Variants in NOTCH1 observed in about 807,000 individuals in gnomAD.
NOTCH1 encodes the protein neurogenic locus notch homolog protein 1.
Under a neutral mutation model 254.8 loss-of-function variants are expected in NOTCH1, and 37 were observed. The ratio of observed to expected loss-of-function variants is 0.15; its 90% confidence interval spans 0.11 to 0.19. The LOEUF is 0.19. Ranked by LOEUF, NOTCH1 falls within the 10% of genes least tolerant of loss-of-function variation. NOTCH1 has a pLI of 1.00. For missense variants in NOTCH1, 2,972 were observed against 3,708.6 expected, an observed-to-expected ratio of 0.80 and a Z score of 5.16; for synonymous variants, 1,731 against 1,618.1, an observed-to-expected ratio of 1.07 and a Z score of -1.68.
At chr9:136,533,015 G>A (rs1196832586) in intron 2 of NOTCH1, among the ~76,000 whole-genome samples, 37 of 152,230 alleles carry the variant, frequency 2.4e-4, no homozygotes, top group Admixed American at 2.4e-3. Context: ...GAGCTGCAGA[G>A]CTCTGTGCTG....
rs779039862 is a variant in NOTCH1, at chr9:136,496,307, C to G, written c.7432G>C (p.Ala2478Pro). ...GAGGGGGGCGTCAGGAACTGGGCTG[C>G]GGTCACGGGTGGGACCAGCGAGGAT... ...LPSSLVPPVTAAQFLTPPSQH... is the reference protein window; with the variant it reads ...LPSSLVPPVTPAQFLTPPSQH... Residue 2478 changes from alanine to proline, a missense_variant, in exon 34 of 34, where the codon GCA becomes CCA. Transcript: ENST00000651671. 6.3e-7 allele frequency: 1 copy of G among 1,594,958 alleles called. No homozygotes were observed. Among genetic ancestry groups the G allele is most frequent in the Non-Finnish European group, 8.5e-7 (1 of 1,170,406 alleles).
Position 136,545,899 on chromosome 9 carries a change from C to T in NOTCH1, c.-113G>A, listed in dbSNP as rs1843809139. The T allele has an allele frequency of 2.6e-6, 1 of 388,414 alleles. No homozygotes were observed. The highest frequency in any genetic ancestry group is 2.2e-5 in the African/African-American group (1 of 46,028). 24.1% of individuals were successfully genotyped at this position (388,414 alleles called of 1,614,324 possible). A position where few individuals can be genotyped will look rare whatever the true frequency, so the allele number is the denominator to read the frequency against. The stretch of plus-strand genomic sequence containing the variant: ...CCGGGGCGGCGGCGGACGGTCCCGC[C>T]CTCTCTTCCCCGGCTGGCTGGCGGC... On this transcript the variant is annotated 5_prime_UTR_variant, in exon 1 of 34. Transcript: ENST00000651671. This position sits in a 1 kb window ranked among gnomAD's most constrained non-coding sequence, Gnocchi z 6.8.
Position 136,494,556 on chromosome 9 carries a change from C to T in NOTCH1, c.*1515G>A, listed in dbSNP as rs1300499929. On this transcript the variant is annotated 3_prime_UTR_variant, in exon 34 of 34. Transcript: ENST00000651671. ...TTAAAGTCTTTTTCTGTAAACTACA[C>T]TCTATTTTATAAAACACAGTAAAAA... is the stretch of plus-strand genomic sequence containing the variant. The T allele has an allele frequency of 1.0e-5, 4 of 398,934 alleles. No homozygotes were observed. Among genetic ancestry groups the T allele is most frequent in the African/African-American group, 2.1e-5 (1 of 48,662 alleles). The allele number at this position is 398,934 out of a possible 1,614,324, so 24.7% of individuals were successfully genotyped here.
At position 136,496,447 on chromosome 9, in the gene NOTCH1, C is replaced by T. The variant is rs753752321; in HGVS notation, c.7292G>A (p.Arg2431Gln). The T allele has an allele frequency of 1.8e-5, 29 of 1,600,088 alleles. No individual in the cohort carries two copies. Among genetic ancestry groups the T allele is most frequent in the African/African-American group, 1.7e-4 (13 of 74,936 alleles). Residue 2431 changes from arginine to glutamine, a missense_variant, in exon 34 of 34, where the codon CGG becomes CAG. Physicochemically the swap from Arg to Gln is conservative, Grantham distance 43. Coordinates refer to ENST00000651671, the MANE Select transcript of NOTCH1 (RefSeq NM_017617.5). ...VSSAASGHLG[R>Q]SFLSGEPSQA... ...GCTCGGCTCTCCACTCAGGAAGCTCCGGCCCAGGTGGCCGCTGGCTGCTGA... is the reference window on the plus strand; with the variant it reads ...GCTCGGCTCTCCACTCAGGAAGCTCTGGCCCAGGTGGCCGCTGGCTGCTGA...
chr9:136,510,888 T>A, intron 16 of NOTCH1, 83 bp from the exon 17 acceptor site: 1 of 1,573,598 alleles, frequency 6.4e-7, no homozygotes, highest in African/African-American at 1.3e-5. Context: ...CCACCTACAG[T>A]GCCTCTCCCG....
chr9:136,542,830 A>G (rs1340512799), intron 2 of NOTCH1: 2 of 151,840 alleles, frequency 1.3e-5, no homozygotes, highest in African/African-American at 4.8e-5. Flanking sequence ...GGCGGAGGGA[A>G]CTCTTTTTCC....
chr9:136,513,396 G>A lies in NOTCH1; in HGVS notation c.2349C>T (p.Phe783=), dbSNP rs200092299. Residue 783 remains phenylalanine (F), a synonymous_variant, in exon 14 of 34, where the codon TTC becomes TTT. Coordinates refer to ENST00000651671, the MANE Select transcript of NOTCH1 (RefSeq NM_017617.5). The surrounding 1 kb of genome is among the most constrained non-coding windows in gnomAD (Gnocchi z 4.7). Reference sequence around the variant, plus strand: ...AGAAACGCGCAGCCCACTCACCGCTGAAGCCCTCCCGGCAGGTGCACACGT... The same window carrying A: ...AGAAACGCGCAGCCCACTCACCGCTAAAGCCCTCCCGGCAGGTGCACACGT... ...SGYVCTCREG[F]SGPNCQTNIN... The A allele has an allele frequency of 3.9e-5, 63 of 1,612,888 alleles. No individual in the cohort carries two copies. In the African/African-American group the frequency reaches 7.5e-4, roughly 19 times the overall value.
chr9:136,510,463 G>T, intron 17 of NOTCH1, 190 bp downstream of exon 17: 3 of 698,264 alleles, frequency 4.3e-6, no homozygotes, highest in South Asian at 3.5e-5. Flanking sequence ...GGAGGAGCAA[G>T]CCGGCTCTGG....
intron 2 of NOTCH1, among the ~76,000 whole-genome samples, chr9:136,526,872 G>C (rs904570878): frequency 6.6e-6 from 1 of 152,202 alleles, no homozygotes; most frequent in African/African-American, 2.4e-5. Context: ...GCTCCCAGCG[G>C]GTGGGGCAGG....
chr9:136,544,197 AG>A (rs923863834), intron 1 of NOTCH1, 95 bp from the exon 2 acceptor site: 1 of 1,183,702 alleles, frequency 8.4e-7, no homozygotes, highest in African/African-American at 1.5e-5. Context: ...CACCCAGCCA[AG>A]GGGCATCGTC....
At chr9:136,532,383 A>G (rs1417641087) in intron 2 of NOTCH1, among the ~76,000 whole-genome samples, 2 of 152,158 alleles carry the variant, frequency 1.3e-5, no homozygotes, top group Non-Finnish European at 2.9e-5. Flanking sequence ...CCAATCCCGC[A>G]GGACCTCGCC....
At chr9:136,528,550 T>C (rs1843510936) in intron 2 of NOTCH1, among the ~76,000 whole-genome samples, 1 of 111,604 alleles carries the variant, frequency 9.0e-6, no homozygotes, top group Non-Finnish European at 2.0e-5. Flanking sequence ...GCAGGGACAG[T>C]TGGTGGGACG....
rs2133346578 is a variant in NOTCH1 at position 136,508,113 on chromosome 9, G to A, written c.3352C>T (p.His1118Tyr). The change falls in exon 21 of 34, where the codon CAT becomes TAT. Residue 1118 changes from histidine (H) to tyrosine (Y), a missense_variant. This residue lies in a region of NOTCH1 where 1,343 missense variants were observed against 1,557.0 expected (regional missense o/e 0.86). Transcript: ENST00000651671. ...QGVDVARLCQ[H>Y]GGLCVDAGNT... ...CCCGCGTCCACACAGAGCCCTCCAT[G>A]CTGGCACAGGCGGGCAACGTCAACA... The A allele has an allele frequency of 1.9e-6, 3 of 1,608,582 alleles. No homozygotes were observed. Among genetic ancestry groups the A allele is most frequent in the Non-Finnish European group, 1.7e-6 (2 of 1,179,840 alleles).
rs11403622 is a variant in NOTCH1, at chr9:136,501,450, G to GA, written c.5638+297dup. ...CTCCATCTCAAAAACAAAAAAAAAA[G>GA]AAAAAAAAAAAGAAAAAGAAAATCA... On this transcript the variant is annotated intron_variant, in intron 30 of 33. Coordinates refer to ENST00000651671, the MANE Select transcript of NOTCH1 (RefSeq NM_017617.5). 0.35 allele frequency among the ~76,000 whole-genome samples: 51,483 copies of GA among 146,348 alleles called. 9,580 individuals carry two copies. Among genetic ancestry groups the GA allele is most frequent in the Non-Finnish European group, 0.4 (26,912 of 66,756 alleles).
At chr9:136,507,114 G>A in intron 22 of NOTCH1, 141 bp from the exon 23 acceptor site, 1 of 1,455,730 alleles carries the variant, frequency 6.9e-7, no homozygotes, top group Admixed American at 2.0e-5. Context: ...GTGCCGTGGA[G>A]ACGCCCTTCC....
rs1392605424 is a variant in NOTCH1 at position 136,522,942 on chromosome 9, C to T, written c.650G>A (p.Arg217Gln). ...CGAGGGGCTGCAGGGCACGTAGGGC[C>T]GCTCGCAGTTGGGGCCAGTGTGGGT... ...RATHTGPNCERPYVPCSPSPC... is the reference protein window; with the variant it reads ...RATHTGPNCEQPYVPCSPSPC... The change falls in exon 4 of 34, where the codon CGG (arginine) becomes CAG (glutamine). Residue 217 changes from arginine to glutamine, a missense_variant. Arg to Gln is a conservative substitution (Grantham distance 43). This residue lies in a region of NOTCH1 where 374 missense variants were observed against 496.3 expected (regional missense o/e 0.75). Transcript: ENST00000651671. The T allele has an allele frequency of 1.0e-5, 16 of 1,555,108 alleles. No individual in the cohort carries two copies. The highest frequency in any genetic ancestry group is 1.2e-5 in the South Asian group (1 of 84,730).
At chr9:136,500,411 G>T in intron 31 of NOTCH1, 141 bp downstream of exon 31, 1 of 1,038,000 alleles carries the variant, frequency 9.6e-7, no homozygotes, top group Non-Finnish European at 1.4e-6. Context: ...GACTGCGAAG[G>T]TCCCAGGTGG....
In NOTCH1 at chr9:136,513,229, G is replaced by A; in HGVS notation, c.2354-95C>T. 3 of 1,452,320 alleles carry A rather than the reference G, an allele frequency of 2.1e-6. No individual in the cohort carries two copies. Among genetic ancestry groups the A allele is most frequent in the Non-Finnish European group, 1.9e-6 (2 of 1,039,890 alleles). The allele number at this position is 1,452,320 out of a possible 1,614,324, so 90.0% of individuals were successfully genotyped here. ...AGCCCTGGGCCTGCTCCCCACCCCA[G>A]GCCCCTCCTCATCTCCAAGAGCCAG... On this transcript the variant is annotated intron_variant, in intron 14 of 33. Coordinates refer to ENST00000651671, the MANE Select transcript of NOTCH1 (RefSeq NM_017617.5). This position sits in a 1 kb window ranked among gnomAD's most constrained non-coding sequence, Gnocchi z 4.7.
At chr9:136,518,000 C>A (rs1326843824) in intron 7 of NOTCH1, 63 bp from the exon 8 acceptor site, 2 of 1,589,884 alleles carry the variant, frequency 1.3e-6, no homozygotes, top group Admixed American at 1.7e-5. Flanking sequence ...CACCTCACTG[C>A]ACACCACCCC....
Sources: gnomAD v4.1 joint callset for allele counts (sites outside exome capture counted in the v4.1 genomes callset) on GRCh38, gnomAD v4.1.1 for gene constraint, gnomAD v4.1.1 regional missense constraint, Gnocchi (gnomAD v3.1) non-coding constraint, MANE v1.5 for transcripts, NCBI Gene and HGNC (gene_info 2026-07-23, HGNC 2026-07-21) for gene names.